The following LRRC4C variants were observed in gnomAD, a reference collection of about 807,000 sequenced individuals.
LRRC4C encodes the protein leucine-rich repeat-containing protein 4C.
LRRC4C carries 5 observed loss-of-function variants against 33.6 expected under a neutral mutation model. The observed-to-expected ratio is 0.15, with a 90% CI of 0.08 to 0.31. The LOEUF (loss-of-function observed/expected upper bound fraction) is 0.31, where lower values mean the gene tolerates loss of function less well. Among genes scored for constraint, LRRC4C ranks in the 10% least tolerant of loss-of-function variants. The pLI is 1.00. For missense variants in LRRC4C, 560 were observed against 796.7 expected, an observed-to-expected ratio of 0.70 and a Z score of 3.58; for synonymous variants, 329 against 302.0, an observed-to-expected ratio of 1.09 and a Z score of -0.93.
rs1232852796 is a variant in LRRC4C, at chr11:41,350,515, A to AAAG, written c.-496+108915_-496+108916insCTT. ...ACAGAGCAAGACTCCATCTCAAAAA[A>AAAG]AAAAAAAAAAAAGAAAGAAAGAAAA... On this transcript the variant is annotated intron_variant, in intron 1 of 6. Coordinates refer to ENST00000528697, the MANE Select transcript of LRRC4C (RefSeq NM_001258419.2). Among the ~76,000 whole-genome samples the AAAG allele has an allele frequency of 2.0e-5, 3 of 151,474 alleles. No homozygotes were observed. In the East Asian group the frequency reaches 5.8e-4, roughly 29 times the overall value.
chr11:41,403,035 T>C (rs915065657), intron 1 of LRRC4C, among the ~76,000 whole-genome samples: 5 of 152,052 alleles, frequency 3.3e-5, no homozygotes, highest in Admixed American at 2.0e-4. Flanking sequence ...CAAAGAACAG[T>C]ATTTTTTTCT....
At chr11:40,354,747 G>C (rs1947577845) in intron 3 of LRRC4C, among the ~76,000 whole-genome samples, 1 of 151,994 alleles carries the variant, frequency 6.6e-6, no homozygotes, top group African/African-American at 2.4e-5. Context: ...GCTTCCCTGT[G>C]GCCCCGAGTG....
At chr11:40,305,142 C>T (rs1944967281) in intron 4 of LRRC4C, among the ~76,000 whole-genome samples, 1 of 152,218 alleles carries the variant, frequency 6.6e-6, no homozygotes, top group African/African-American at 2.4e-5. Context: ...TAGCTGTTTT[C>T]TCTGCCTAGA....
chr11:40,265,840 G>A (rs942308606), intron 4 of LRRC4C, among the ~76,000 whole-genome samples: 1 of 152,168 alleles, frequency 6.6e-6, no homozygotes, highest in African/African-American at 2.4e-5. Flanking sequence ...GTTGCTGCGG[G>A]GGCAATGGCA....
intron 2 of LRRC4C, among the ~76,000 whole-genome samples, chr11:40,871,635 C>T (rs979301088): frequency 6.6e-6 from 1 of 152,046 alleles, no homozygotes; most frequent in African/African-American, 2.4e-5. Flanking sequence ...ACACTACATC[C>T]AAATGGCTCA....
chr11:40,246,716 T>C (rs1468224285), intron 4 of LRRC4C, among the ~76,000 whole-genome samples: 1 of 152,164 alleles, frequency 6.6e-6, no homozygotes, highest in Non-Finnish European at 1.5e-5. Context: ...AAAAGCATAT[T>C]TTTTTCATCT....
chr11:41,095,828 G>C (rs1232353818), intron 1 of LRRC4C, among the ~76,000 whole-genome samples: 1 of 152,134 alleles, frequency 6.6e-6, no homozygotes, highest in Non-Finnish European at 1.5e-5. Flanking sequence ...ATTTCCATCT[G>C]TCTGACTCAT....
chr11:40,830,451 G>C (rs1304202832), intron 2 of LRRC4C, among the ~76,000 whole-genome samples: 2 of 152,086 alleles, frequency 1.3e-5, no homozygotes, highest in Non-Finnish European at 2.9e-5. Context: ...GGTTTTCTAA[G>C]AGAAATTGCC....
At chr11:41,382,362 C>G (rs983189162) in intron 1 of LRRC4C, among the ~76,000 whole-genome samples, 1 of 151,912 alleles carries the variant, frequency 6.6e-6, no homozygotes, top group South Asian at 2.1e-4. Context: ...GCAAAAGTAG[C>G]ATTTGAAAAT....
chr11:41,184,907 CA>C (rs1404837915), intron 1 of LRRC4C, among the ~76,000 whole-genome samples: 1 of 151,550 alleles, frequency 6.6e-6, no homozygotes, highest in African/African-American at 2.4e-5. Context: ...AGGAGCAAGT[CA>C]TATCTTACGT....
At chr11:40,697,675 C>T (rs1194608457) in intron 2 of LRRC4C, among the ~76,000 whole-genome samples, 1 of 152,096 alleles carries the variant, frequency 6.6e-6, no homozygotes. Flanking sequence ...GTTAAGAACA[C>T]AGTTTTAACA....
At chr11:40,264,767 T>A (rs1377634755) in intron 4 of LRRC4C, among the ~76,000 whole-genome samples, 1 of 152,210 alleles carries the variant, frequency 6.6e-6, no homozygotes, top group East Asian at 1.9e-4. Flanking sequence ...TCATTCTGAA[T>A]TCAGTACTGG....
intron 3 of LRRC4C, among the ~76,000 whole-genome samples, chr11:40,535,585 A>T (rs1036370080): frequency 2.0e-5 from 3 of 152,360 alleles, no homozygotes; most frequent in Admixed American, 6.5e-5. Context: ...AAGTTATTTG[A>T]AAAGATTAGT....
intron 1 of LRRC4C, among the ~76,000 whole-genome samples, chr11:41,259,585 T>C (rs1304913916): frequency 6.6e-6 from 1 of 152,004 alleles, no homozygotes; most frequent in Non-Finnish European, 1.5e-5. Context: ...TATGCGCAAA[T>C]GCAGTTTAGA....
chr11:40,373,362 CAT>C (rs1171169127), intron 3 of LRRC4C, among the ~76,000 whole-genome samples: 1 of 151,772 alleles, frequency 6.6e-6, no homozygotes, highest in African/African-American at 2.4e-5. Flanking sequence ...TAAAAAATAT[CAT>C]AAAGTGAGTA....
chr11:40,546,076 T>TA (rs1565492038), intron 3 of LRRC4C, among the ~76,000 whole-genome samples: 3 of 67,254 alleles, frequency 4.5e-5, no homozygotes, highest in Non-Finnish European at 9.6e-5. Flanking sequence ...CTTCCTTCCT[T>TA]CCTTCCTACC....
At chr11:41,050,899 A>G (rs1316957597) in intron 1 of LRRC4C, among the ~76,000 whole-genome samples, 2 of 152,192 alleles carry the variant, frequency 1.3e-5, no homozygotes, top group African/African-American at 4.8e-5. Context: ...TGAGAAGGCT[A>G]TAAGCAAAGA....
chr11:40,326,801 G>T (rs749210504), intron 3 of LRRC4C, among the ~76,000 whole-genome samples: 1 of 152,192 alleles, frequency 6.6e-6, no homozygotes, highest in Non-Finnish European at 1.5e-5. Context: ...TAAGATATAA[G>T]TGGAGAGAGC....
rs72886931 is a variant in LRRC4C, at chr11:40,567,228, T to C, written c.-270+80914A>G. 3.5e-3 allele frequency among the ~76,000 whole-genome samples: 540 copies of C among 152,282 alleles called. 2 individuals carry two copies. The highest frequency in any genetic ancestry group is 5.9e-3 in the Non-Finnish European group (404 of 68,012). The stretch of plus-strand genomic sequence containing the variant: ...GTCAAAGACTTGGAGTGATATAAAA[T>C]GGCTAACCTTCCTTGCAGCCTTTTC... On this transcript the variant is annotated intron_variant, in intron 3 of 6. Coordinates refer to ENST00000528697, the MANE Select transcript of LRRC4C (RefSeq NM_001258419.2).
Sources: gnomAD v4.1 joint callset for allele counts (sites outside exome capture counted in the v4.1 genomes callset) on GRCh38, gnomAD v4.1.1 for gene constraint, MANE v1.5 for transcripts, NCBI Gene and HGNC (gene_info 2026-07-23, HGNC 2026-07-21) for gene names.